The following CUL9 variants were observed in gnomAD, a reference collection of about 807,000 sequenced individuals.
The protein encoded by CUL9 is cullin-9.
CUL9 carries 79 observed loss-of-function variants against 272.6 expected under a neutral mutation model. The observed-to-expected ratio is 0.29, with a 90% CI of 0.24 to 0.35. The LOEUF (loss-of-function observed/expected upper bound fraction) is 0.35. Ranked by LOEUF, CUL9 falls within the 10% of genes least tolerant of loss-of-function variation. CUL9 has a pLI of 1.00. For synonymous variants in CUL9, 1,186 were observed against 1,286.5 expected, an observed-to-expected ratio of 0.92 and a Z score of 1.67; for missense variants, 2,532 against 3,255.6, an observed-to-expected ratio of 0.78 and a Z score of 5.41.
Position 43,224,244 on chromosome 6 carries a change from CCCTAGGCCCCAGGCCT to C in CUL9, c.7359-2_7372del, listed in dbSNP as rs1562068479. 1 of 1,614,110 alleles carries C rather than the reference CCCTAGGCCCCAGGCCT, an allele frequency of 6.2e-7. No individual in the cohort carries two copies. Among genetic ancestry groups the C allele is most frequent in the East Asian group, 2.2e-5 (1 of 44,878 alleles). ...CCTCTGGGCTGAGTGTGGTGGCTCT[CCCTAGGCCCCAGGCCT>C]CCTCAGGGCCAGAGGCAGAAGAGGA... On this transcript the variant is annotated splice_acceptor_variant and splice_polypyrimidine_tract_variant and coding_sequence_variant and intron_variant, in exon 41 of 41. Transcript: ENST00000252050. LOFTEE classifies it high-confidence loss of function. The surrounding 1 kb of genome is among the most constrained non-coding windows in gnomAD (Gnocchi z 4.2).
chr6:43,205,487 G>A, intron 24 of CUL9, 64 bp downstream of exon 24: 3 of 1,556,290 alleles, frequency 1.9e-6, no homozygotes, highest in Non-Finnish European at 2.6e-6. Context: ...AAAGATTTGA[G>A]TCTTATAGGG....
In CUL9 at chr6:43,193,010, A is replaced by G. The variant is rs774887447; in HGVS notation, c.2190A>G (p.Leu730=). Residue 730 remains leucine, a synonymous_variant, in exon 9 of 41, where the codon CTA becomes CTG. Coordinates refer to ENST00000252050, the MANE Select transcript of CUL9 (RefSeq NM_015089.4). The part of the protein sequence containing the change: ...VRPDRSLREK[L]VKMLVELLTN... Reference sequence around the variant, plus strand: ...TCTCTTCTCTTGTCAGAGAGAAGCTAGTGAAGATGCTGGTGGAGCTGCTGA... The same window carrying G: ...TCTCTTCTCTTGTCAGAGAGAAGCTGGTGAAGATGCTGGTGGAGCTGCTGA... The G allele has an allele frequency of 6.2e-7, 1 of 1,613,914 alleles. No homozygotes were observed. Among genetic ancestry groups the G allele is most frequent in the South Asian group, 1.1e-5 (1 of 91,074 alleles).
At position 43,222,328 on chromosome 6, in the gene CUL9, G is replaced by A. The variant is rs1776436032; in HGVS notation, c.6859G>A (p.Ala2287Thr). 2 of 1,614,108 alleles carry A rather than the reference G, an allele frequency of 1.2e-6. No homozygotes were observed. Among genetic ancestry groups the A allele is most frequent in the Non-Finnish European group, 1.7e-6 (2 of 1,179,982 alleles). ...GTATCCTTGCTAGGTAAGCAAGGCA[G>A]CTCGCCAGGAGAAGCGGTTTCAGGA... is the stretch of plus-strand genomic sequence containing the variant. ...YNCSAMVSKAARQEKRFQDYN... is the reference protein window; with the variant it reads ...YNCSAMVSKATRQEKRFQDYN... The change falls in exon 36 of 41, where the codon GCT becomes ACT. Residue 2287 changes from alanine (A) to threonine (T), a missense_variant. Physicochemically the swap from Ala to Thr is moderately conservative, Grantham distance 58. Around this residue, in one of 3 missense-constraint regions of CUL9, gnomAD observed 237 missense variants for 305.9 expected, o/e 0.77. Coordinates refer to ENST00000252050, the MANE Select transcript of CUL9 (RefSeq NM_015089.4).
intron 7 of CUL9, 173 bp downstream of exon 7, chr6:43,188,291 A>G (rs941488009): frequency 1.2e-6 from 1 of 854,340 alleles, no homozygotes; most frequent in Non-Finnish European, 1.8e-6. Context: ...TATTTAATTA[A>G]CCAGCGCTCC....
chr6:43,185,145 T>C (rs1772791143), intron 2 of CUL9, among the ~76,000 whole-genome samples: 1 of 152,264 alleles, frequency 6.6e-6, no homozygotes, highest in Non-Finnish European at 1.5e-5. Flanking sequence ...AGGACTTATC[T>C]GTATTTTTGA....
chr6:43,213,750 T>G lies in CUL9; in HGVS notation c.5526T>G (p.Ser1842Arg). 1 of 1,613,794 alleles carries G rather than the reference T, an allele frequency of 6.2e-7. No homozygotes were observed. The highest frequency in any genetic ancestry group is 8.5e-7 in the Non-Finnish European group (1 of 1,179,996). The change falls in exon 29 of 41, where the codon AGT (serine) becomes AGG (arginine). Residue 1842 changes from serine (S) to arginine (R), a missense_variant. Transcript: ENST00000252050. The surrounding 1 kb of genome is among the most constrained non-coding windows in gnomAD (Gnocchi z 5.7). Reference protein sequence around the residue: ...LRLHEPGPQRSGEALWLIPPQ... With the variant: ...LRLHEPGPQRRGEALWLIPPQ... Reference sequence around the variant, plus strand: ...TTCATGAGCCTGGGCCCCAGCGCAGTGGGGAGGCCCTGTGGCTGATACCTC... The same window carrying G: ...TTCATGAGCCTGGGCCCCAGCGCAGGGGGGAGGCCCTGTGGCTGATACCTC...
intron 8 of CUL9, among the ~76,000 whole-genome samples, chr6:43,191,252 T>TTTGTGTGTG (rs773987863): frequency 7.9e-6 from 1 of 126,974 alleles, no homozygotes; most frequent in African/African-American, 3.2e-5. Context: ...CTAAATTGCA[T>TTTGTGTGTG]TGTGTGTGTG....
intron 6 of CUL9, 58 bp from the exon 7 acceptor site, chr6:43,187,655 T>C: frequency 6.4e-7 from 1 of 1,561,762 alleles, no homozygotes; most frequent in Non-Finnish European, 8.7e-7. Flanking sequence ...TTCCCATTAC[T>C]GACCCCAAGA....
At position 43,213,966 on chromosome 6, in the gene CUL9, T is replaced by C. The variant is rs972287481; in HGVS notation, c.5688+54T>C. On this transcript the variant is annotated intron_variant, in intron 29 of 40. Transcript: ENST00000252050. The surrounding 1 kb of genome is among the most constrained non-coding windows in gnomAD (Gnocchi z 5.7). ...CGGAGGGAGGGAGTCATGCTTGGGA[T>C]TGGGGATGAACACAGTGAACTCTTT... The C allele has an allele frequency of 6.4e-6, 10 of 1,571,370 alleles. No homozygotes were observed. The highest frequency in any genetic ancestry group is 3.3e-5 in the Admixed American group (2 of 59,794).
intron 8 of CUL9, among the ~76,000 whole-genome samples, chr6:43,191,481 A>ATTTTTTTTTTTT (rs34090146): frequency 3.1e-4 from 30 of 97,444 alleles, no homozygotes; most frequent in Non-Finnish European, 4.1e-4. Flanking sequence ...CACCCAGCTA[A>ATTTTTTTTTTTT]TTTTTTTTTT....
rs1776556249 is a variant in CUL9 at position 43,223,572 on chromosome 6, T to C, written c.7284+175T>C. On this transcript the variant is annotated intron_variant, in intron 39 of 40. Coordinates refer to ENST00000252050, the MANE Select transcript of CUL9 (RefSeq NM_015089.4). The surrounding 1 kb of genome is among the most constrained non-coding windows in gnomAD (Gnocchi z 4.1). The stretch of plus-strand genomic sequence containing the variant: ...TTTGGGCCAACCTGCCTGATGCTGC[T>C]GGACCCTATCACTTCACCTCCTGGG... 3.9e-6 allele frequency: 3 copies of C among 778,708 alleles called. No homozygotes were observed. Among genetic ancestry groups the C allele is most frequent in the Admixed American group, 2.9e-5 (1 of 34,480 alleles). 48.2% of individuals were successfully genotyped at this position (778,708 alleles called of 1,614,324 possible). A position where few individuals can be genotyped will look rare whatever the true frequency, so the allele number is the denominator to read the frequency against.
Position 43,196,126 on chromosome 6 carries a change from C to T in CUL9, c.2446C>T (p.Arg816Ter). The T allele has an allele frequency of 3.7e-6, 6 of 1,614,084 alleles. No individual in the cohort carries two copies. Among genetic ancestry groups the T allele is most frequent in the Admixed American group, 1.7e-5 (1 of 60,014 alleles). Residue 816 changes from arginine (R) to a stop codon, truncating the protein, a stop_gained, in exon 10 of 41, where the codon CGA becomes TGA. Coordinates refer to ENST00000252050, the MANE Select transcript of CUL9 (RefSeq NM_015089.4). LOFTEE classifies it high-confidence loss of function. ...SSEIPTFVTG[R>*]DSIHSLFDAQ... The stretch of plus-strand genomic sequence containing the variant: ...GGAGATCCCCACTTTTGTTACTGGC[C>T]GAGATTCTATCCACTCTTTGTTTGA...
At chr6:43,219,576 T>C (rs549250741) in intron 31 of CUL9, among the ~76,000 whole-genome samples, 1 of 152,322 alleles carries the variant, frequency 6.6e-6, no homozygotes, top group South Asian at 2.1e-4. Context: ...TCTGGTACTT[T>C]GAGTAAAAAT....
At position 43,198,527 on chromosome 6, in the gene CUL9, T is replaced by A. The variant is rs146435741; in HGVS notation, c.2804-82T>A. The A allele has an allele frequency of 5.7e-5, 88 of 1,556,070 alleles. 1 individual carries two copies. In the African/African-American group the frequency reaches 9.7e-4, roughly 17 times the overall value. On this transcript the variant is annotated intron_variant, in intron 11 of 40. Transcript: ENST00000252050. The stretch of plus-strand genomic sequence containing the variant: ...ATAGAAGGAAAATTTTGGGGTGATT[T>A]TCTGGACCTTCCCAGTTCTCAGTTT...
At chr6:43,187,588 G>C in intron 6 of CUL9, 125 bp from the exon 7 acceptor site, 2 of 1,330,058 alleles carry the variant, frequency 1.5e-6, no homozygotes, top group South Asian at 1.4e-5. Context: ...TTGGAGGCAA[G>C]TGCTGTGAGG....
At position 43,187,979 on chromosome 6, in the gene CUL9, C is replaced by T. The variant is rs142314571; in HGVS notation, c.1848C>T (p.Ala616=). 9.8e-5 allele frequency: 158 copies of T among 1,613,858 alleles called. No homozygotes were observed. The highest frequency in any genetic ancestry group is 1.3e-4 in the Non-Finnish European group (148 of 1,180,022). ...EEETESLKAK[A]EAPKTEAEPT... is the part of the protein sequence containing the mutation. ...AGACTGAGTCCCTCAAAGCAAAGGC[C>T]GAGGCCCCTAAGACAGAGGCCGAGC... The change falls in exon 7 of 41, where the codon GCC becomes GCT. Residue 616 remains alanine, a synonymous_variant. Transcript: ENST00000252050.
In CUL9 at chr6:43,187,792, G is replaced by A. The variant is rs775858629; in HGVS notation, c.1661G>A (p.Arg554Gln). The change falls in exon 7 of 41, where the codon CGA becomes CAA. Residue 554 changes from arginine to glutamine, a missense_variant. Arg to Gln is a conservative substitution (Grantham distance 43). Coordinates refer to ENST00000252050, the MANE Select transcript of CUL9 (RefSeq NM_015089.4). ...AGTCTGCTGCAGGTTCTCAGTAGTC[G>A]ATTTGAGGGCAGCACTCTCAATGAC... ...AESLLQVLSS[R>Q]FEGSTLNDLL... is the part of the protein sequence containing the mutation. 6.2e-6 allele frequency: 10 copies of A among 1,613,778 alleles called. No individual in the cohort carries two copies. In the East Asian group the frequency reaches 8.9e-5, roughly 14 times the overall value.
chr6:43,210,784 A>G (rs1381834233), intron 26 of CUL9, among the ~76,000 whole-genome samples: 1 of 152,050 alleles, frequency 6.6e-6, no homozygotes, highest in Non-Finnish European at 1.5e-5. Context: ...TAATTAATTG[A>G]CTGTTTCTAA....
intron 24 of CUL9, among the ~76,000 whole-genome samples, 163 bp from the exon 25 acceptor site, chr6:43,205,844 A>C (rs1260391740): frequency 6.6e-6 from 1 of 151,882 alleles, no homozygotes; most frequent in Non-Finnish European, 1.5e-5. Flanking sequence ...AAAAAAAAAA[A>C]AAGTGGAGGT....
Sources: allele counts gnomAD v4.1 joint callset (sites outside exome capture counted in the v4.1 genomes callset), GRCh38; gene constraint gnomAD v4.1.1; regional missense constraint gnomAD v4.1.1; non-coding constraint Gnocchi (gnomAD v3.1); transcripts MANE v1.5; gene names NCBI Gene and HGNC (gene_info 2026-07-23, HGNC 2026-07-21).